Variants in ICAM2 observed in about 807,000 individuals in gnomAD.
ICAM2 encodes the protein ICAM-2.
Under a neutral mutation model 19.1 loss-of-function variants are expected in ICAM2, and 14 were observed. The observed-to-expected ratio is 0.73, with a 90% confidence interval of 0.48 to 1.15. The LOEUF (loss-of-function observed/expected upper bound fraction) is 1.15, where lower values mean the gene tolerates loss of function less well. Ranked by LOEUF, ICAM2 falls within the 50% of genes most tolerant of loss-of-function variation. The pLI is 0.00. For synonymous variants in ICAM2, 153 were observed against 152.7 expected, an observed-to-expected ratio of 1.00 and a Z score of -0.01; for missense variants, 311 against 355.4, an observed-to-expected ratio of 0.88 and a Z score of 1.00.
intron 1 of ICAM2, among the ~76,000 whole-genome samples, chr17:64,012,830 A>T (rs779289138): frequency 6.6e-6 from 1 of 152,214 alleles, no homozygotes; most frequent in Admixed American, 6.5e-5. Context: ...AAATTTTGGT[A>T]TCTGTTGGGA....
intron 4 of ICAM2, chr17:64,003,153 G>T (rs1482507975): frequency 1.8e-6 from 1 of 541,830 alleles, no homozygotes; most frequent in Non-Finnish European, 3.3e-6. Context: ...ACTTCTGTGT[G>T]GCTGTGAGGG....
At chr17:64,012,158 A>T (rs2053022049) in intron 1 of ICAM2, among the ~76,000 whole-genome samples, 1 of 152,200 alleles carries the variant, frequency 6.6e-6, no homozygotes, top group African/African-American at 2.4e-5. Flanking sequence ...GTGAAATAAG[A>T]CAGGCATAGA....
rs1910891190 is a variant in ICAM2 at position 64,002,909 on chromosome 17, G to A, written c.666C>T (p.Ser222=). ...CCACCGTGACTATGATGACCATCTG[G>A]CTGTCCGACACAGGCTCTGGGGAGG... ...MLEIYEPVSD[S]QMVIIVTVVS... is the part of the protein sequence containing the mutation. Residue 222 remains serine (S), a synonymous_variant, in exon 5 of 5, where the codon AGC becomes AGT. Coordinates refer to ENST00000579788, the MANE Select transcript of ICAM2 (RefSeq NM_001099789.2). The A allele has an allele frequency of 6.2e-7, 1 of 1,613,480 alleles. No individual in the cohort carries two copies. The highest frequency in any genetic ancestry group is 1.3e-5 in the African/African-American group (1 of 74,862).
chr17:64,002,918 C>T lies in ICAM2; in HGVS notation c.657G>A (p.Val219=), dbSNP rs1395789102. 1.2e-6 allele frequency: 2 copies of T among 1,612,920 alleles called. No homozygotes were observed. The highest frequency in any genetic ancestry group is 1.7e-5 in the Admixed American group (1 of 59,946). ...CTATGATGACCATCTGGCTGTCCGA[C>T]ACAGGCTCTGGGGAGGGAGGGGGCA... ...APKMLEIYEP[V]SDSQMVIIVT... is the part of the protein sequence containing the mutation. Residue 219 remains valine, a synonymous_variant, in exon 5 of 5, where the codon GTG becomes GTA. Transcript: ENST00000579788.
chr17:64,009,557 C>T (rs1911360366), intron 1 of ICAM2, among the ~76,000 whole-genome samples: 1 of 152,178 alleles, frequency 6.6e-6, no homozygotes, highest in African/African-American at 2.4e-5. Flanking sequence ...AAGTGATTCT[C>T]CTGCCTCAGC....
chr17:64,003,171 C>A, intron 4 of ICAM2: 2 of 521,568 alleles, frequency 3.8e-6, no homozygotes, highest in South Asian at 4.9e-5. Flanking sequence ...GGGCAGATGT[C>A]CCCTTGTCAG....
intron 1 of ICAM2, among the ~76,000 whole-genome samples, chr17:64,011,590 A>C (rs1352597735): frequency 6.6e-6 from 1 of 152,122 alleles, no homozygotes; most frequent in Non-Finnish European, 1.5e-5. Flanking sequence ...GCTATTTTCA[A>C]AAAGACAAGA....
intron 2 of ICAM2, chr17:64,006,040 C>T (rs893807914): frequency 3.9e-5 from 6 of 155,200 alleles, no homozygotes; most frequent in Admixed American, 6.3e-5. Flanking sequence ...CATGCAGGGG[C>T]GTGGCACGCC....
In ICAM2 at chr17:64,003,631, G is replaced by T; in HGVS notation, c.649+13C>A. 1 of 1,605,530 alleles carries T rather than the reference G, an allele frequency of 6.2e-7. No individual in the cohort carries two copies. The highest frequency in any genetic ancestry group is 8.5e-7 in the Non-Finnish European group (1 of 1,174,576). On this transcript the variant is annotated intron_variant, in intron 4 of 4. Transcript: ENST00000579788. ...CTTATCACTCCCAACTCCATCCACG[G>T]ATCCCCCCTCACCATAGATCTCCAA...
chr17:64,018,881 C>T (rs1009060493), intron 1 of ICAM2, among the ~76,000 whole-genome samples: 1 of 151,922 alleles, frequency 6.6e-6, no homozygotes, highest in Non-Finnish European at 1.5e-5. Flanking sequence ...GCCACCACAC[C>T]CAGCTAATTT....
chr17:64,018,691 A>G (rs1260320275), intron 1 of ICAM2, among the ~76,000 whole-genome samples: 1 of 146,088 alleles, frequency 6.8e-6, no homozygotes, highest in Non-Finnish European at 1.5e-5. Context: ...TAAGAACCAG[A>G]CATGTCTTTG....
rs201080008 is a variant in ICAM2, at chr17:64,003,759, C to A, written c.534G>T (p.Thr178=). The change falls in exon 4 of 5, where the codon ACG becomes ACT. Residue 178 remains threonine, a synonymous_variant. Transcript: ENST00000579788. ...TGCGGTGGCCATCCTCTCTGTCAGCCGTGCTGTTGAATGTGGCTGTGGCCT... is the reference window on the plus strand; with the variant it reads ...TGCGGTGGCCATCCTCTCTGTCAGCAGTGCTGTTGAATGTGGCTGTGGCCT... ...PQEATATFNS[T]ADREDGHRNF... 8.1e-6 allele frequency: 13 copies of A among 1,614,110 alleles called. No individual in the cohort carries two copies. The African/African-American group carries it at 1.3e-4, about 17-fold the overall frequency.
Position 64,006,315 on chromosome 17 carries a change from C to T in ICAM2, c.61+316G>A, listed in dbSNP as rs548642258. 1.1e-4 allele frequency: 29 copies of T among 262,374 alleles called. No homozygotes were observed. The South Asian group carries it at 1.7e-3, about 15-fold the overall frequency. 16.3% of individuals were successfully genotyped at this position (262,374 alleles called of 1,614,324 possible). A position where few individuals can be genotyped will look rare whatever the true frequency, so the allele number is the denominator to read the frequency against. On this transcript the variant is annotated intron_variant, in intron 2 of 4. Coordinates refer to ENST00000579788, the MANE Select transcript of ICAM2 (RefSeq NM_001099789.2). ...GGTGGATCACTTGAGTCCAGGAGTT[C>T]GAGACCAGCCCCTGCCATCTCTACA... is the stretch of plus-strand genomic sequence containing the variant.
rs767108086 is a variant in ICAM2 at position 64,003,892 on chromosome 17, C to A, written c.401G>T (p.Cys134Phe). The A allele has an allele frequency of 1.9e-6, 3 of 1,614,192 alleles. No homozygotes were observed. The highest frequency in any genetic ancestry group is 2.5e-6 in the Non-Finnish European group (3 of 1,180,024). ...VAVGKSFTIECRVPTVEPLDS... is the reference protein window; with the variant it reads ...VAVGKSFTIEFRVPTVEPLDS... ...CAGGGGCTCCACGGTGGGCACCCTG[C>A]ACTCAATGGTGAAGGACTTGCCCAC... Residue 134 changes from cysteine to phenylalanine, a missense_variant, in exon 4 of 5, where the codon TGC becomes TTC. Transcript: ENST00000579788.
intron 2 of ICAM2, among the ~76,000 whole-genome samples, chr17:64,005,709 C>A (rs534289296): frequency 5.3e-5 from 8 of 152,284 alleles, no homozygotes; most frequent in African/African-American, 1.9e-4. Context: ...CCGACTCAGT[C>A]TTTAAGGTCA....
chr17:64,006,708 G>A lies in ICAM2; in HGVS notation c.-17C>T, dbSNP rs377460447. On this transcript the variant is annotated 5_prime_UTR_variant, in exon 2 of 5. Transcript: ENST00000579788. Reference sequence around the variant, plus strand: ...AGAGGACATCTCTGGCAGTCTCCACGGGCTCGCAGGGACCAGCCAAGGGCT... The same window carrying A: ...AGAGGACATCTCTGGCAGTCTCCACAGGCTCGCAGGGACCAGCCAAGGGCT... 16 of 1,613,492 alleles carry A rather than the reference G, an allele frequency of 9.9e-6. No homozygotes were observed. Among genetic ancestry groups the A allele is most frequent in the African/African-American group, 5.3e-5 (4 of 74,926 alleles).
At chr17:64,007,981 G>A (rs1209958093) in intron 1 of ICAM2, among the ~76,000 whole-genome samples, 1 of 152,136 alleles carries the variant, frequency 6.6e-6, no homozygotes, top group African/African-American at 2.4e-5. Context: ...TGCTTTCTCA[G>A]GGGAACCCCT....
chr17:64,005,291 G>T lies in ICAM2; in HGVS notation c.144C>A (p.Cys48Ter). ...VEPKGSLEVN[C>*]STTCNQPEVG... ...CTTCAGGCTGGTTACAGGTGGTGCT[G>T]CAGTTGACCTCGAGGGACCCTTTGG... The change falls in exon 3 of 5, where the codon TGC becomes TGA. Residue 48 changes from cysteine to a stop codon, truncating the protein, a stop_gained. Coordinates refer to ENST00000579788, the MANE Select transcript of ICAM2 (RefSeq NM_001099789.2). LOFTEE classifies it high-confidence loss of function. The T allele has an allele frequency of 6.2e-7, 1 of 1,614,130 alleles. No homozygotes were observed. Among genetic ancestry groups the T allele is most frequent in the Non-Finnish European group, 8.5e-7 (1 of 1,179,980 alleles).
intron 3 of ICAM2, 169 bp downstream of exon 3, chr17:64,004,938 A>G (rs780387382): frequency 1.2e-5 from 9 of 731,318 alleles, no homozygotes; most frequent in Non-Finnish European, 1.8e-5. Flanking sequence ...GGCTCAAGGC[A>G]TCCAACCAAG....
Sources: gnomAD v4.1 joint callset for allele counts (sites outside exome capture counted in the v4.1 genomes callset) on GRCh38, gnomAD v4.1.1 for gene constraint, MANE v1.5 for transcripts, NCBI Gene and HGNC (gene_info 2026-07-23, HGNC 2026-07-21) for gene names.